Variants in PMFBP1 observed in about 807,000 individuals in gnomAD.
The protein encoded by PMFBP1 is polyamine-modulated factor 1-binding protein 1.
A neutral mutation model predicts 137.8 loss-of-function variants in PMFBP1; 131 were observed. The observed-to-expected ratio is 0.95, with a 90% CI of 0.82 to 1.10. The LOEUF is 1.10. Among genes scored for constraint, PMFBP1 ranks in the 50% least tolerant of loss-of-function variants. The pLI, the probability that PMFBP1 is intolerant of heterozygous loss-of-function variation, is 0.00. For synonymous variants in PMFBP1, 490 were observed against 450.4 expected (o/e 1.09, Z -1.11); for missense variants, 1,199 against 1,175.4 (o/e 1.02, Z -0.29).
intron 15 of PMFBP1, among the ~76,000 whole-genome samples, 179 bp downstream of exon 15, chr16:72,125,789 A>T (rs191616871): frequency 1.3e-5 from 2 of 151,726 alleles, no homozygotes; most frequent in Admixed American, 6.6e-5. Context: ...CCTCCACCCA[A>T]CTCCAAGCCT....
At chr16:72,178,781 C>T (rs2043266801), upstream of PMFBP1, among the ~76,000 whole-genome samples, 1 of 152,202 alleles carries the variant, frequency 6.6e-6, no homozygotes, top group South Asian at 2.1e-4. Flanking sequence ...GCCTCAGCCA[C>T]TTCTTCATGG....
At chr16:72,190,868 G>A in the PMFBP1 span, among the ~76,000 whole-genome samples, 95 of 152,310 alleles carry the variant, frequency 6.2e-4, no homozygotes, top group African/African-American at 2.0e-3. Flanking sequence ...ATCTTAGATC[G>A]TGAGGACTTT....
At position 72,164,798 on chromosome 16, in the gene PMFBP1, T is replaced by C; in HGVS notation, c.131A>G (p.Gln44Arg). ...KRQRKTLQDN[Q>R]LCMEEAMNSS... Reference sequence around the variant, plus strand: ...GTTCATTGCCTCCTCCATGCAGAGCTGATTGTCCTGCAAGGTCTTCCTCTG... The same window carrying C: ...GTTCATTGCCTCCTCCATGCAGAGCCGATTGTCCTGCAAGGTCTTCCTCTG... The change falls in exon 3 of 21, where the codon CAG becomes CGG. Residue 44 changes from glutamine to arginine, a missense_variant. Transcript: ENST00000237353. 6.2e-7 allele frequency: 1 copy of C among 1,605,508 alleles called. No individual in the cohort carries two copies. Among genetic ancestry groups the C allele is most frequent in the Non-Finnish European group, 8.5e-7 (1 of 1,172,948 alleles).
the PMFBP1 span, among the ~76,000 whole-genome samples, chr16:72,245,347 G>A: frequency 2.6e-5 from 4 of 152,204 alleles, no homozygotes; most frequent in African/African-American, 9.6e-5. Flanking sequence ...CATTTTACAG[G>A]TGGGGGAACT....
the PMFBP1 span, among the ~76,000 whole-genome samples, chr16:72,188,526 GT>G: frequency 6.6e-6 from 1 of 152,216 alleles, no homozygotes; most frequent in African/African-American, 2.4e-5. Flanking sequence ...TGGTTTTCAT[GT>G]TTTATTGGAT....
At chr16:72,136,305 T>C in intron 9 of PMFBP1, 143 bp downstream of exon 9, 11 of 898,414 alleles carry the variant, frequency 1.2e-5, no homozygotes, top group Non-Finnish European at 1.7e-5. Context: ...GAATTGAGCC[T>C]GGGCCTGAAG....
At chr16:72,196,242 A>T in the PMFBP1 span, among the ~76,000 whole-genome samples, 1 of 152,098 alleles carries the variant, frequency 6.6e-6, no homozygotes, top group Non-Finnish European at 1.5e-5. Context: ...AATGGTACCA[A>T]CACCAAAGTC....
chr16:72,179,679 C>T (rs1421703199), upstream of PMFBP1, among the ~76,000 whole-genome samples: 2 of 152,134 alleles, frequency 1.3e-5, no homozygotes, highest in Non-Finnish European at 2.9e-5. Flanking sequence ...ATCTTTCCTT[C>T]CAGAAGGAAA....
intron 20 of PMFBP1, 186 bp from the exon 21 acceptor site, chr16:72,119,540 C>T (rs2042345009): frequency 1.4e-6 from 2 of 1,468,186 alleles, no homozygotes; most frequent in East Asian, 2.5e-5. Context: ...GGCTGGGGTG[C>T]TCTTACGGGG....
the PMFBP1 span, among the ~76,000 whole-genome samples, chr16:72,198,873 G>A: frequency 7.6e-6 from 1 of 131,062 alleles, no homozygotes; most frequent in Non-Finnish European, 1.6e-5. Context: ...GCCGATCACA[G>A]AACACTCATT....
chr16:72,150,930 C>T (rs530795116), intron 4 of PMFBP1, 101 bp from the exon 5 acceptor site: 2 of 943,612 alleles, frequency 2.1e-6, no homozygotes, highest in Non-Finnish European at 3.4e-6. Context: ...GTATCTGAAC[C>T]AGAAGACCAG....
At chr16:72,226,147 G>C in the PMFBP1 span, among the ~76,000 whole-genome samples, 1 of 151,870 alleles carries the variant, frequency 6.6e-6, no homozygotes, top group Non-Finnish European at 1.5e-5. Context: ...ATATTTGTAC[G>C]CTTTGTTATC....
chr16:72,200,788 G>A, the PMFBP1 span, among the ~76,000 whole-genome samples: 5 of 152,204 alleles, frequency 3.3e-5, no homozygotes, highest in African/African-American at 9.6e-5. Context: ...GTAGGTGGGT[G>A]CATTTTAAAG....
the PMFBP1 span, among the ~76,000 whole-genome samples, chr16:72,209,089 T>C: frequency 6.6e-6 from 1 of 152,250 alleles, no homozygotes; most frequent in Non-Finnish European, 1.5e-5. Flanking sequence ...CCAGTGGGCC[T>C]GGACACTCAG....
At chr16:72,122,243 C>G (rs998845126) in intron 19 of PMFBP1, among the ~76,000 whole-genome samples, 1 of 152,218 alleles carries the variant, frequency 6.6e-6, no homozygotes, top group East Asian at 1.9e-4. Flanking sequence ...TTTTTGATAG[C>G]TGCATAGTAT....
intron 17 of PMFBP1, among the ~76,000 whole-genome samples, 181 bp downstream of exon 17, chr16:72,124,586 C>T (rs1255622041): frequency 6.6e-6 from 1 of 152,230 alleles, no homozygotes; most frequent in East Asian, 1.9e-4. Flanking sequence ...AACAAAGCCA[C>T]AAGAACACAG....
At chr16:72,226,426 T>C in the PMFBP1 span, among the ~76,000 whole-genome samples, 1 of 152,194 alleles carries the variant, frequency 6.6e-6, no homozygotes, top group Non-Finnish European at 1.5e-5. Context: ...TAGTCAAGCA[T>C]TTCCGGGGTT....
intron 10 of PMFBP1, 116 bp from the exon 11 acceptor site, chr16:72,130,838 T>A (rs1160681755): frequency 3.3e-6 from 3 of 902,442 alleles, no homozygotes; most frequent in African/African-American, 1.7e-5. Flanking sequence ...GTTCCCAGTC[T>A]GTCCTCATTT....
chr16:72,157,183 C>CAAAAAAAA (rs35414674), intron 3 of PMFBP1, among the ~76,000 whole-genome samples: 1 of 18,922 alleles, frequency 5.3e-5, no homozygotes, highest in Non-Finnish European at 9.4e-5. Flanking sequence ...GACTCCATCT[C>CAAAAAAAA]AAAAAAAAAA....
Sources: gnomAD v4.1 joint callset for allele counts (sites outside exome capture counted in the v4.1 genomes callset) on GRCh38, gnomAD v4.1.1 for gene constraint, MANE v1.5 for transcripts, NCBI Gene and HGNC (gene_info 2026-07-23, HGNC 2026-07-21) for gene names.